BRMS1L: variants seen among roughly 807,000 people sequenced by gnomAD.
The protein encoded by BRMS1L is BRMS1 like transcriptional repressor, also known as breast cancer metastasis-suppressor 1-like protein.
In BRMS1L, 23 loss-of-function variants were observed where a neutral mutation model predicts 50.3. The ratio of observed to expected loss-of-function variants is 0.46; its 90% CI spans 0.33 to 0.65. The LOEUF is 0.65. Ranked by LOEUF, BRMS1L falls within the 30% of genes least tolerant of loss-of-function variation. The pLI, the probability that BRMS1L is intolerant of heterozygous loss-of-function variation, is 0.02. For synonymous variants in BRMS1L, 114 were observed against 126.9 expected, an observed-to-expected ratio of 0.90 and a Z score of 0.69; for missense variants, 286 against 386.1, an observed-to-expected ratio of 0.74 and a Z score of 2.17.
intron 4 of BRMS1L, among the ~76,000 whole-genome samples, chr14:35,841,997 G>GCTT (rs2078071015): frequency 7.5e-6 from 1 of 133,560 alleles, no homozygotes. Context: ...TGCAATCTCT[G>GCTT]CTTTTTTTTT....
intron 1 of BRMS1L, among the ~76,000 whole-genome samples, chr14:35,827,406 T>C (rs1439430927): frequency 1.3e-5 from 2 of 152,212 alleles, no homozygotes; most frequent in Non-Finnish European, 2.9e-5. Flanking sequence ...AAATGGAATT[T>C]GTGATTACCG....
chr14:35,868,101 T>C, intron 9 of BRMS1L, 69 bp downstream of exon 9: 1 of 1,466,844 alleles, frequency 6.8e-7, no homozygotes, highest in South Asian at 1.4e-5. Context: ...CAGTGAAATA[T>C]TTCCTGCCTC....
chr14:35,846,429 A>G (rs2078135610), intron 4 of BRMS1L, among the ~76,000 whole-genome samples: 1 of 151,752 alleles, frequency 6.6e-6, no homozygotes, highest in South Asian at 2.1e-4. Context: ...ATCAGACCAC[A>G]TGTTGTCATT....
intron 4 of BRMS1L, among the ~76,000 whole-genome samples, chr14:35,842,152 A>C (rs1322054106): frequency 1.3e-5 from 2 of 151,982 alleles, no homozygotes; most frequent in East Asian, 3.9e-4. Flanking sequence ...TGTGTCTTTT[A>C]ATTGGGGCAT....
intron 4 of BRMS1L, among the ~76,000 whole-genome samples, chr14:35,857,613 G>A (rs917405981): frequency 1.3e-5 from 2 of 151,914 alleles, no homozygotes; most frequent in African/African-American, 2.4e-5. Context: ...GAGCCACTGC[G>A]CCTGGCCCTC....
intron 4 of BRMS1L, among the ~76,000 whole-genome samples, chr14:35,858,850 G>A (rs1279348421): frequency 2.6e-5 from 4 of 152,028 alleles, no homozygotes; most frequent in Non-Finnish European, 5.9e-5. Context: ...TCCAGACTTA[G>A]TGATCCAAGA....
intron 4 of BRMS1L, among the ~76,000 whole-genome samples, chr14:35,836,795 T>C (rs1325760307): frequency 6.6e-6 from 1 of 152,162 alleles, no homozygotes; most frequent in Admixed American, 6.5e-5. Flanking sequence ...ATGCCTGTAA[T>C]CCCAGCACTT....
At chr14:35,865,061 G>GT (rs1017357394) in intron 7 of BRMS1L, 62 bp downstream of exon 7, 219 of 1,234,266 alleles carry the variant, frequency 1.8e-4, no homozygotes, top group African/African-American at 1.1e-3. Context: ...AAGATTCTAT[G>GT]TTTTTTTTGT....
intron 4 of BRMS1L, among the ~76,000 whole-genome samples, chr14:35,850,149 T>C (rs1179760758): frequency 6.7e-6 from 1 of 150,214 alleles, no homozygotes; most frequent in African/African-American, 2.4e-5. Context: ...TTTTGGATAT[T>C]ATTGCCTTTT....
chr14:35,862,084 A>G (rs1566429048), intron 4 of BRMS1L, among the ~76,000 whole-genome samples: 1 of 152,188 alleles, frequency 6.6e-6, no homozygotes, highest in East Asian at 1.9e-4. Context: ...AATTTAGACT[A>G]TAATTGAATT....
intron 4 of BRMS1L, among the ~76,000 whole-genome samples, chr14:35,849,054 C>T (rs551694173): frequency 6.6e-6 from 1 of 152,164 alleles, no homozygotes; most frequent in African/African-American, 2.4e-5. Flanking sequence ...CAGAATCTCA[C>T]TGTGTTGCCC....
chr14:35,833,363 G>A (rs1468321791), intron 3 of BRMS1L, among the ~76,000 whole-genome samples: 1 of 150,966 alleles, frequency 6.6e-6, no homozygotes, highest in Non-Finnish European at 1.5e-5. Context: ...TCCACATTTG[G>A]TGAAACAACT....
chr14:35,849,640 G>A (rs2078182937), intron 4 of BRMS1L, among the ~76,000 whole-genome samples: 1 of 151,928 alleles, frequency 6.6e-6, no homozygotes, highest in East Asian at 1.9e-4. Flanking sequence ...AACGGGTGTG[G>A]GATGATAAAT....
intron 4 of BRMS1L, among the ~76,000 whole-genome samples, chr14:35,835,454 T>A (rs538467082): frequency 6.6e-6 from 1 of 152,344 alleles, no homozygotes; most frequent in African/African-American, 2.4e-5. Context: ...ATCTTGGTGA[T>A]GACCTTGAGC....
chr14:35,855,566 A>G (rs1005591382), intron 4 of BRMS1L, among the ~76,000 whole-genome samples: 1 of 152,144 alleles, frequency 6.6e-6, no homozygotes, highest in Non-Finnish European at 1.5e-5. Context: ...ATCATTTTTC[A>G]GCTTTGAAAG....
At chr14:35,866,382 C>T (rs939421404) in intron 8 of BRMS1L, among the ~76,000 whole-genome samples, 1 of 152,260 alleles carries the variant, frequency 6.6e-6, no homozygotes, top group Non-Finnish European at 1.5e-5. Flanking sequence ...CACATTTAAA[C>T]AGCTTAAGTA....
chr14:35,870,372 A>T lies in BRMS1L; in HGVS notation c.867A>T (p.Thr289=), dbSNP rs2078476548. The T allele has an allele frequency of 6.3e-7, 1 of 1,590,846 alleles. No individual in the cohort carries two copies. The highest frequency in any genetic ancestry group is 8.6e-7 in the Non-Finnish European group (1 of 1,165,268). ...KDECPTSAVI[T]TINHDEVWFK... ...TTTTTCTTTTTAGTGCTGTAATTAC[A>T]ACAATTAACCATGATGAAGTTTGGT... Residue 289 remains threonine, a synonymous_variant, in exon 10 of 10, where the codon ACA becomes ACT. Coordinates refer to ENST00000216807, the MANE Select transcript of BRMS1L (RefSeq NM_032352.4).
At chr14:35,848,308 G>A (rs1004055733) in intron 4 of BRMS1L, among the ~76,000 whole-genome samples, 2 of 152,046 alleles carry the variant, frequency 1.3e-5, no homozygotes, top group Admixed American at 1.3e-4. Flanking sequence ...TACTCTCTTA[G>A]CAAGTTTCCA....
At chr14:35,843,807 C>T (rs919362851) in intron 4 of BRMS1L, among the ~76,000 whole-genome samples, 1 of 152,244 alleles carries the variant, frequency 6.6e-6, no homozygotes, top group Non-Finnish European at 1.5e-5. Context: ...CCCCCAGGTG[C>T]TCTGTCCTAG....
Sources: allele counts gnomAD v4.1 joint callset (sites outside exome capture counted in the v4.1 genomes callset), GRCh38; gene constraint gnomAD v4.1.1; transcripts MANE v1.5; gene names NCBI Gene and HGNC (gene_info 2026-07-23, HGNC 2026-07-21).